Variants in SMCHD1 observed in about 807,000 individuals in gnomAD.
The protein encoded by SMCHD1 is structural maintenance of chromosomes flexible hinge domain-containing protein 1.
In SMCHD1, 78 loss-of-function variants were observed where a neutral mutation model predicts 254.7. The ratio of observed to expected loss-of-function variants is 0.31; its 90% CI spans 0.26 to 0.37. The LOEUF (loss-of-function observed/expected upper bound fraction) is 0.37. Ranked by LOEUF, SMCHD1 falls within the 10% of genes least tolerant of loss-of-function variation. SMCHD1 has a pLI of 1.00. For synonymous variants in SMCHD1, 766 were observed against 794.9 expected, an observed-to-expected ratio of 0.96 and a Z score of 0.61; for missense variants, 1,840 against 2,408.1, an observed-to-expected ratio of 0.76 and a Z score of 4.94.
intron 21 of SMCHD1, among the ~76,000 whole-genome samples, chr18:2,725,634 A>G (rs2075012780): frequency 6.6e-6 from 1 of 151,920 alleles, no homozygotes; most frequent in South Asian, 2.1e-4. Context: ...TAAATATTTA[A>G]AAATTTTCCC....
Position 2,804,864 on chromosome 18 carries a change from T to C in SMCHD1, c.*2312T>C, listed in dbSNP as rs904988536. 2 of 152,234 alleles carry C rather than the reference T, an allele frequency of 1.3e-5. No individual in the cohort carries two copies. The highest frequency in any genetic ancestry group is 4.8e-5 in the African/African-American group (2 of 41,464). The allele number at this position is 152,234 out of a possible 1,614,324, so 9.4% of individuals were successfully genotyped here. On this transcript the variant is annotated 3_prime_UTR_variant, in exon 48 of 48. Coordinates refer to ENST00000320876, the MANE Select transcript of SMCHD1 (RefSeq NM_015295.3). ...AGAAAAAAATTAATGCTACAGCCAT[T>C]TATCCTGTGTTATGTGTTATATAAT...
chr18:2,714,863 C>T (rs1340448997), intron 17 of SMCHD1, among the ~76,000 whole-genome samples: 1 of 152,002 alleles, frequency 6.6e-6, no homozygotes, highest in Non-Finnish European at 1.5e-5. Context: ...CCCCTACCCC[C>T]AGCACTTTGA....
At chr18:2,762,938 C>T (rs756613561) in intron 36 of SMCHD1, among the ~76,000 whole-genome samples, 1 of 152,026 alleles carries the variant, frequency 6.6e-6, no homozygotes, top group Non-Finnish European at 1.5e-5. Context: ...GATGACTGCT[C>T]ATAGTTAAGA....
intron 25 of SMCHD1, among the ~76,000 whole-genome samples, chr18:2,735,612 T>A (rs1225524355): frequency 6.6e-6 from 1 of 152,168 alleles, no homozygotes; most frequent in Non-Finnish European, 1.5e-5. Flanking sequence ...CAAAAACCAG[T>A]AGCATTTCTG....
intron 5 of SMCHD1, among the ~76,000 whole-genome samples, chr18:2,686,325 G>A (rs1337527952): frequency 6.6e-6 from 1 of 152,184 alleles, no homozygotes. Context: ...TCAGACTTGG[G>A]ATGCTCAGGT....
chr18:2,668,951 T>G (rs1253043179), intron 3 of SMCHD1, among the ~76,000 whole-genome samples: 1 of 152,000 alleles, frequency 6.6e-6, no homozygotes. Flanking sequence ...CATAGCACAC[T>G]GTAGCCTCGA....
At chr18:2,780,451 T>A (rs2076139144) in intron 44 of SMCHD1, among the ~76,000 whole-genome samples, 1 of 152,090 alleles carries the variant, frequency 6.6e-6, no homozygotes, top group South Asian at 2.1e-4. Flanking sequence ...TGGTAGTGAT[T>A]AGCATTTTTA....
At chr18:2,693,827 C>T (rs1184150266) in intron 7 of SMCHD1, among the ~76,000 whole-genome samples, 4 of 152,084 alleles carry the variant, frequency 2.6e-5, no homozygotes, top group African/African-American at 4.8e-5. Context: ...GATGGGGTTT[C>T]GGCTTGTTGG....
intron 29 of SMCHD1, among the ~76,000 whole-genome samples, chr18:2,746,054 G>A (rs1223769738): frequency 6.6e-6 from 1 of 152,126 alleles, no homozygotes; most frequent in African/African-American, 2.4e-5. Context: ...AGGTGCAGTG[G>A]CTCATGCCTT....
chr18:2,770,320 A>T (rs2075955090), intron 39 of SMCHD1, among the ~76,000 whole-genome samples: 1 of 152,226 alleles, frequency 6.6e-6, no homozygotes, highest in South Asian at 2.1e-4. Flanking sequence ...GCTTAAAAGA[A>T]ATCAACACGT....
At chr18:2,797,080 TA>T (rs919640071) in intron 47 of SMCHD1, among the ~76,000 whole-genome samples, 3 of 152,256 alleles carry the variant, frequency 2.0e-5, no homozygotes, top group African/African-American at 7.2e-5. Context: ...AAGTGATTGT[TA>T]AGAGTCAAAT....
At chr18:2,785,718 C>G (rs2143820597) in intron 45 of SMCHD1, among the ~76,000 whole-genome samples, 1 of 149,142 alleles carries the variant, frequency 6.7e-6, no homozygotes, top group Admixed American at 6.7e-5. Flanking sequence ...CATTCTATCT[C>G]CAGAACTGTT....
At chr18:2,767,575 A>T (rs2075890399) in intron 37 of SMCHD1, among the ~76,000 whole-genome samples, 2 of 140,916 alleles carry the variant, frequency 1.4e-5, no homozygotes, top group Non-Finnish European at 3.0e-5. Context: ...ATATATCACA[A>T]CCTATTTCCT....
chr18:2,711,800 C>T (rs974123809), intron 17 of SMCHD1, among the ~76,000 whole-genome samples: 14 of 152,126 alleles, frequency 9.2e-5, no homozygotes, highest in Admixed American at 3.3e-4. Context: ...TGTCTTGATC[C>T]CCGGTGTTGG....
At chr18:2,658,898 A>T (rs993250540) in intron 1 of SMCHD1, among the ~76,000 whole-genome samples, 2 of 150,424 alleles carry the variant, frequency 1.3e-5, no homozygotes, top group Non-Finnish European at 3.0e-5. Context: ...ACACATATAT[A>T]CGTGTATACG....
chr18:2,733,255 A>G (rs2075177852), intron 25 of SMCHD1, among the ~76,000 whole-genome samples: 1 of 152,228 alleles, frequency 6.6e-6, no homozygotes, highest in Non-Finnish European at 1.5e-5. Flanking sequence ...AAAAAATCAC[A>G]GGGCTTATGA....
In SMCHD1 at chr18:2,802,579, G is replaced by A. The variant is rs1331834229; in HGVS notation, c.*27G>A. On this transcript the variant is annotated 3_prime_UTR_variant, in exon 48 of 48. Transcript: ENST00000320876. ...AGGTGACAGAGAGAAGAGGCCATTG[G>A]TCTCAGTAAGAATGCCCTGCTTTCT... The A allele has an allele frequency of 1.3e-6, 2 of 1,545,134 alleles. No homozygotes were observed. Among genetic ancestry groups the A allele is most frequent in the Non-Finnish European group, 1.7e-6 (2 of 1,143,686 alleles).
Position 2,760,719 on chromosome 18 carries a change from A to G in SMCHD1, c.4414A>G (p.Asn1472Asp). The G allele has an allele frequency of 6.2e-7, 1 of 1,601,928 alleles. No individual in the cohort carries two copies. The highest frequency in any genetic ancestry group is 8.6e-7 in the Non-Finnish European group (1 of 1,169,420). ...GTTTGGTTTTATGATGGATAAAACA[A>G]ATATTCTCAACAGTGAACAGGTTTG... is the stretch of plus-strand genomic sequence containing the variant. ...IQFGFMMDKT[N>D]ILNSEQVIVE... The change falls in exon 35 of 48, where the codon AAT becomes GAT. Residue 1472 changes from asparagine (N) to aspartate (D), a missense_variant. By Grantham distance (23) the Asn-to-Asp change is conservative. Coordinates refer to ENST00000320876, the MANE Select transcript of SMCHD1 (RefSeq NM_015295.3).
chr18:2,714,893 G>A (rs1447240571), intron 17 of SMCHD1, among the ~76,000 whole-genome samples: 3 of 152,064 alleles, frequency 2.0e-5, no homozygotes, highest in African/African-American at 7.2e-5. Context: ...CCTACAGAGG[G>A]AGCAGGACTG....
Sources: gnomAD v4.1 joint callset for allele counts (sites outside exome capture counted in the v4.1 genomes callset) on GRCh38, gnomAD v4.1.1 for gene constraint, MANE v1.5 for transcripts, NCBI Gene and HGNC (gene_info 2026-07-23, HGNC 2026-07-21) for gene names.